Variants in TPRG1 observed in about 807,000 individuals in gnomAD.
TPRG1 encodes the protein tumor protein p63-regulated gene 1 protein.
Under a neutral mutation model 29.3 loss-of-function variants are expected in TPRG1, and 29 were observed. The observed-to-expected ratio is 0.99, with a 90% CI of 0.74 to 1.35. TPRG1 has a LOEUF of 1.35. Ranked by LOEUF, TPRG1 falls within the 40% of genes most tolerant of loss-of-function variation. TPRG1 has a pLI of 0.00. For synonymous variants in TPRG1, 130 were observed against 116.8 expected (o/e 1.11, Z -0.73); for missense variants, 327 against 335.0 (o/e 0.98, Z 0.19).
At position 189,143,401 on chromosome 3, in the gene TPRG1, G is replaced by T. The variant is rs114263160; in HGVS notation, c.-290-4183G>T. Among the ~76,000 whole-genome samples, 439 of 152,310 alleles carry T rather than the reference G, an allele frequency of 2.9e-3. 2 individuals carry two copies. The highest frequency in any genetic ancestry group is 9.2e-3 in the African/African-American group (383 of 41,574). ...ATACTGCCTGTCGATGATAAATAAG[G>T]AAGTTAGGAGGAGAAGATGGTTGTC... On this transcript the variant is annotated intron_variant, in intron 3 of 6. Coordinates refer to the TPRG1 transcript ENST00000412373.
chr3:189,119,714 TGAA>T (rs2108502783), intron 1 of TPRG1, among the ~76,000 whole-genome samples: 2 of 152,344 alleles, frequency 1.3e-5, no homozygotes, highest in East Asian at 3.9e-4. Context: ...TGCCGCCATG[TGAA>T]GAAGGACATG....
chr3:189,059,471 A>G lies in TPRG1; in HGVS notation c.-463+35525A>G, dbSNP rs139248403. The stretch of plus-strand genomic sequence containing the variant: ...GCTGGGTGTGGTGGCATGCGCCTGT[A>G]GTCCCAGCTACTTGAGAGGCTGAGG... On this transcript the variant is annotated intron_variant, in intron 4 of 10. Coordinates refer to the TPRG1 transcript ENST00000433971. Among the ~76,000 whole-genome samples the G allele has an allele frequency of 3.8e-4, 58 of 152,282 alleles. No homozygotes were observed. The East Asian group carries it at 0.011, about 30-fold the overall frequency.
intron 1 of TPRG1, among the ~76,000 whole-genome samples, chr3:188,997,303 A>G (rs1392362473): frequency 6.6e-6 from 1 of 152,140 alleles, no homozygotes; most frequent in Non-Finnish European, 1.5e-5. Context: ...TAAGCTGAGA[A>G]GCATCCATTC....
At chr3:189,102,522 C>T (rs139439945) in intron 1 of TPRG1, among the ~76,000 whole-genome samples, 4 of 152,260 alleles carry the variant, frequency 2.6e-5, no homozygotes, top group Admixed American at 2.6e-4. Flanking sequence ...AGTTGTGTTC[C>T]ATCAGTTCTA....
intron 4 of TPRG1, among the ~76,000 whole-genome samples, chr3:189,268,591 A>G (rs772044206): frequency 6.6e-6 from 1 of 152,196 alleles, no homozygotes; most frequent in South Asian, 2.1e-4. Flanking sequence ...TCCTGTACTC[A>G]CTATGATACA....
intron 3 of TPRG1, among the ~76,000 whole-genome samples, chr3:189,144,674 A>T (rs776358702): frequency 6.6e-6 from 1 of 152,114 alleles, no homozygotes; most frequent in Non-Finnish European, 1.5e-5. Context: ...TTTGGAACAG[A>T]TCATTACACA....
At chr3:189,211,108 A>G (rs1441175536) in intron 2 of TPRG1, among the ~76,000 whole-genome samples, 1 of 152,202 alleles carries the variant, frequency 6.6e-6, no homozygotes, top group Non-Finnish European at 1.5e-5. Context: ...TTTTACTTAT[A>G]TATACACAAT....
chr3:189,316,613 G>C (rs533744983), intron 5 of TPRG1, among the ~76,000 whole-genome samples: 1 of 152,128 alleles, frequency 6.6e-6, no homozygotes, highest in African/African-American at 2.4e-5. Context: ...CCAGGCACTC[G>C]GCTGGTAAAT....
chr3:189,019,665 T>A (rs1451479209), intron 3 of TPRG1, among the ~76,000 whole-genome samples: 1 of 152,106 alleles, frequency 6.6e-6, no homozygotes, highest in Non-Finnish European at 1.5e-5. Flanking sequence ...TGCATCAATG[T>A]TCATCAAGGA....
intron 5 of TPRG1, among the ~76,000 whole-genome samples, chr3:189,159,388 G>A (rs1727141534): frequency 6.6e-6 from 1 of 152,070 alleles, no homozygotes; most frequent in Admixed American, 6.5e-5. Flanking sequence ...ATAGGCAACG[G>A]CAAAGATGCA....
chr3:189,165,078 T>C (rs191525217), intron 5 of TPRG1, among the ~76,000 whole-genome samples: 4 of 152,298 alleles, frequency 2.6e-5, no homozygotes, highest in Admixed American at 2.6e-4. Context: ...ACCTCTTTCA[T>C]GTGTAGTAAG....
At chr3:189,164,611 A>G (rs2108641133) in intron 5 of TPRG1, among the ~76,000 whole-genome samples, 1 of 135,636 alleles carries the variant, frequency 7.4e-6, no homozygotes, top group African/African-American at 3.2e-5. Flanking sequence ...TAAGCTAAAA[A>G]AAAAAATAAA....
intron 4 of TPRG1, among the ~76,000 whole-genome samples, chr3:189,078,832 T>C (rs767003494): frequency 2.0e-5 from 3 of 152,210 alleles, no homozygotes; most frequent in Non-Finnish European, 4.4e-5. Flanking sequence ...ACAATAATAA[T>C]GTAACAATAA....
At chr3:189,160,812 G>C (rs1009960061) in intron 5 of TPRG1, among the ~76,000 whole-genome samples, 2 of 152,172 alleles carry the variant, frequency 1.3e-5, no homozygotes, top group African/African-American at 4.8e-5. Flanking sequence ...AATACTTATC[G>C]TGTTCTTCAT....
chr3:189,001,685 A>G (rs891776535), intron 2 of TPRG1, among the ~76,000 whole-genome samples: 1 of 152,144 alleles, frequency 6.6e-6, no homozygotes, highest in Non-Finnish European at 1.5e-5. Context: ...TGTGTTATTG[A>G]AAGATGCTGA....
chr3:189,000,431 A>C (rs1385619798), intron 1 of TPRG1, among the ~76,000 whole-genome samples: 1 of 152,072 alleles, frequency 6.6e-6, no homozygotes, highest in East Asian at 1.9e-4. Context: ...CAAAATAGTT[A>C]ATTGTTCCAT....
chr3:189,237,532 A>G (rs1010016835), intron 3 of TPRG1, among the ~76,000 whole-genome samples: 1 of 152,162 alleles, frequency 6.6e-6, no homozygotes, highest in Non-Finnish European at 1.5e-5. Flanking sequence ...TTTATACAGG[A>G]GTTTAGGAAA....
intron 5 of TPRG1, among the ~76,000 whole-genome samples, chr3:189,163,345 A>G (rs1280446413): frequency 1.3e-5 from 2 of 152,202 alleles, no homozygotes; most frequent in African/African-American, 2.4e-5. Flanking sequence ...TGAGACATTG[A>G]TTCATCTTGA....
At chr3:189,057,309 A>G (rs1715764491) in intron 4 of TPRG1, among the ~76,000 whole-genome samples, 1 of 152,158 alleles carries the variant, frequency 6.6e-6, no homozygotes, top group Non-Finnish European at 1.5e-5. Flanking sequence ...TCAGGTCTGA[A>G]TCACTAAAGT....
Sources: gnomAD v4.1 joint callset for allele counts (sites outside exome capture counted in the v4.1 genomes callset) on GRCh38, gnomAD v4.1.1 for gene constraint, MANE v1.5 for transcripts, NCBI Gene and HGNC (gene_info 2026-07-23, HGNC 2026-07-21) for gene names.